Variants in PPIL1 observed in about 807,000 individuals in gnomAD.
PPIL1 encodes the protein peptidyl-prolyl cis-trans isomerase-like 1.
A neutral mutation model predicts 19.4 loss-of-function variants in PPIL1; 14 were observed. The ratio of observed to expected loss-of-function variants is 0.72; its 90% CI spans 0.48 to 1.13. PPIL1 has a LOEUF of 1.13. PPIL1 is among the 50% of genes most tolerant of loss of function. The pLI, the probability that PPIL1 is intolerant of heterozygous loss-of-function variation, is 0.00. For missense variants in PPIL1, 192 were observed against 218.0 expected (o/e 0.88, Z 0.75); for synonymous variants, 72 against 73.6 (o/e 0.98, Z 0.11).
At chr6:36,867,486 C>A (rs1318328632) in intron 2 of PPIL1, among the ~76,000 whole-genome samples, 2 of 152,248 alleles carry the variant, frequency 1.3e-5, no homozygotes, top group African/African-American at 4.8e-5. Context: ...GAGATTCTCA[C>A]AAATACCCTC....
chr6:36,856,152 AC>A, intron 3 of PPIL1, 119 bp from the exon 4 acceptor site: 1 of 1,026,220 alleles, frequency 9.7e-7, no homozygotes, highest in Non-Finnish European at 1.4e-6. Flanking sequence ...CTCTGTCCAG[AC>A]CCAGACAACC....
chr6:36,864,566 T>C (rs1364462172), intron 2 of PPIL1, among the ~76,000 whole-genome samples: 4 of 152,178 alleles, frequency 2.6e-5, no homozygotes, highest in Non-Finnish European at 5.9e-5. Flanking sequence ...CCTCACCCTC[T>C]AGCCTAGTGG....
At chr6:36,864,631 A>C (rs1774359517) in intron 2 of PPIL1, among the ~76,000 whole-genome samples, 1 of 152,108 alleles carries the variant, frequency 6.6e-6, no homozygotes. Context: ...GTCTGGAGAC[A>C]ATTTGGGTTG....
At chr6:36,866,901 C>T (rs1055751866) in intron 2 of PPIL1, among the ~76,000 whole-genome samples, 6 of 152,086 alleles carry the variant, frequency 3.9e-5, no homozygotes, top group African/African-American at 4.8e-5. Context: ...TTCAATAGAC[C>T]GAAGAGACCT....
rs946060866 is a variant in PPIL1, at chr6:36,859,369, G to A, written c.212-2715C>T. On this transcript the variant is annotated intron_variant, in intron 2 of 3. Transcript: ENST00000373699. ...GAACCTGGGAGGCAGAGGTTGCAGT[G>A]AGCTGAGATCGCACCACTGCACTGC... is the stretch of plus-strand genomic sequence containing the variant. Among the ~76,000 whole-genome samples the A allele has an allele frequency of 1.4e-3, 212 of 146,332 alleles. 3 individuals are homozygous for A. Among genetic ancestry groups the A allele is most frequent in the Admixed American group, 3.3e-3 (47 of 14,132 alleles).
intron 2 of PPIL1, among the ~76,000 whole-genome samples, chr6:36,869,669 T>G (rs915395480): frequency 1.3e-5 from 2 of 152,086 alleles, no homozygotes; most frequent in South Asian, 2.1e-4. Context: ...CTAAATACAC[T>G]GAAACGTAGG....
intron 2 of PPIL1, among the ~76,000 whole-genome samples, chr6:36,860,817 T>C (rs1774272610): frequency 6.6e-6 from 1 of 151,684 alleles, no homozygotes; most frequent in Non-Finnish European, 1.5e-5. Flanking sequence ...GCTTTTTTAC[T>C]ACACATCTAT....
intron 2 of PPIL1, among the ~76,000 whole-genome samples, chr6:36,870,410 C>A (rs1244235936): frequency 6.6e-6 from 1 of 152,120 alleles, no homozygotes; most frequent in Non-Finnish European, 1.5e-5. Context: ...TACTCATGAG[C>A]ATAGTCGGCC....
At chr6:36,871,435 A>T (rs1774507027) in intron 2 of PPIL1, among the ~76,000 whole-genome samples, 1 of 152,214 alleles carries the variant, frequency 6.6e-6, no homozygotes, top group Admixed American at 6.5e-5. Flanking sequence ...ATTCAGACAA[A>T]TATTATTTGT....
chr6:36,871,978 A>G (rs1774520673), intron 1 of PPIL1, 106 bp from the exon 2 acceptor site: 1 of 1,046,818 alleles, frequency 9.6e-7, no homozygotes, highest in Non-Finnish European at 1.3e-6. Flanking sequence ...GTAAGTCATG[A>G]AATTGTGATA....
intron 2 of PPIL1, among the ~76,000 whole-genome samples, chr6:36,866,902 G>A (rs777481186): frequency 2.0e-5 from 3 of 152,176 alleles, no homozygotes; most frequent in African/African-American, 7.2e-5. Flanking sequence ...TCAATAGACC[G>A]AAGAGACCTA....
intron 2 of PPIL1, among the ~76,000 whole-genome samples, chr6:36,863,495 C>T (rs536955460): frequency 3.9e-5 from 6 of 152,206 alleles, no homozygotes; most frequent in African/African-American, 7.2e-5. Flanking sequence ...CAACCTCCCC[C>T]TCTAGTAGAC....
At chr6:36,867,415 AAT>A (rs1283060494) in intron 2 of PPIL1, among the ~76,000 whole-genome samples, 3 of 152,260 alleles carry the variant, frequency 2.0e-5, no homozygotes, top group Admixed American at 6.5e-5. Context: ...AAGAGGAAAA[AAT>A]AGAAAATTCT....
intron 2 of PPIL1, among the ~76,000 whole-genome samples, chr6:36,865,393 C>T (rs909262447): frequency 6.6e-6 from 1 of 152,140 alleles, no homozygotes; most frequent in African/African-American, 2.4e-5. Context: ...CAGGCAGTTC[C>T]GAGATCTGTA....
At chr6:36,856,104 T>C in intron 3 of PPIL1, 71 bp from the exon 4 acceptor site, 2 of 1,487,792 alleles carry the variant, frequency 1.3e-6, no homozygotes, top group Admixed American at 2.0e-5. Flanking sequence ...TGCTGCCCCA[T>C]CCTAGGGATG....
chr6:36,873,913 A>T (rs11758600), intron 1 of PPIL1, among the ~76,000 whole-genome samples: 29,539 of 152,158 alleles, frequency 0.19, 3,685 homozygotes, highest in East Asian at 0.34. Flanking sequence ...TATAGCAGCA[A>T]GACGTTATTA....
chr6:36,871,411 C>T (rs2150660603), intron 2 of PPIL1, among the ~76,000 whole-genome samples: 1 of 152,342 alleles, frequency 6.6e-6, no homozygotes, highest in South Asian at 2.1e-4. Flanking sequence ...GATCAGACTA[C>T]TTGCATCACT....
intron 2 of PPIL1, among the ~76,000 whole-genome samples, chr6:36,862,199 T>C (rs1189701729): frequency 9.6e-6 from 1 of 103,968 alleles, no homozygotes; most frequent in Non-Finnish European, 1.8e-5. Flanking sequence ...GATGGGACAA[T>C]AGATTAATAT....
Position 36,872,553 on chromosome 6 carries a change from A to G in PPIL1, c.57-681T>C, listed in dbSNP as rs369225390. 3.3e-5 allele frequency among the ~76,000 whole-genome samples: 5 copies of G among 152,250 alleles called. No individual in the cohort carries two copies. In the East Asian group the frequency reaches 7.7e-4, roughly 23 times the overall value. The stretch of plus-strand genomic sequence containing the variant: ...AGATAAGGAAGAGGCAAGAGAAAGG[A>G]CGAGTGCCTTCCCCTCTACTCCAGC... On this transcript the variant is annotated intron_variant, in intron 1 of 3. Coordinates refer to ENST00000373699, the MANE Select transcript of PPIL1 (RefSeq NM_016059.5).
Sources: gnomAD v4.1 joint callset for allele counts (sites outside exome capture counted in the v4.1 genomes callset) on GRCh38, gnomAD v4.1.1 for gene constraint, MANE v1.5 for transcripts, NCBI Gene and HGNC (gene_info 2026-07-23, HGNC 2026-07-21) for gene names.